The following LRRC4 variants were observed in gnomAD, a reference collection of about 807,000 sequenced individuals.
LRRC4 encodes the protein leucine-rich repeat-containing protein 4.
A neutral mutation model predicts 37.9 loss-of-function variants in LRRC4; 11 were observed. The ratio of observed to expected loss-of-function variants is 0.29; its 90% CI spans 0.18 to 0.48. LRRC4 has a LOEUF of 0.48. Ranked by LOEUF, LRRC4 falls within the 20% of genes least tolerant of loss-of-function variation. LRRC4 has a pLI of 0.99. For missense variants in LRRC4, 717 were observed against 842.1 expected (o/e 0.85, Z 1.84); for synonymous variants, 404 against 346.7 (o/e 1.17, Z -1.84).
At position 128,028,550 on chromosome 7, in the gene LRRC4, T is replaced by G. The variant is rs974465190; in HGVS notation, c.*129A>C. 12 of 847,582 alleles carry G rather than the reference T, an allele frequency of 1.4e-5. No individual in the cohort carries two copies. The highest frequency in any genetic ancestry group is 7.6e-4 in the Middle Eastern group (2 of 2,618). The allele number at this position is 847,582 out of a possible 1,614,324, so 52.5% of individuals were successfully genotyped here. A position where few individuals can be genotyped will look rare whatever the true frequency, so the allele number is the denominator to read the frequency against. On this transcript the variant is annotated 3_prime_UTR_variant, in exon 2 of 2. Coordinates refer to ENST00000249363, the MANE Select transcript of LRRC4 (RefSeq NM_022143.5). ...TGTCTTTAAATTTTAATATAATCTG[T>G]TTTTTTTAACCAGCCCATAGACTTA...
chr7:128,030,769 TAG>T (rs1422359333), intron 1 of LRRC4, 29 bp from the exon 2 acceptor site: 4 of 1,214,538 alleles, frequency 3.3e-6, no homozygotes, highest in African/African-American at 1.5e-5. Context: ...AGGGGGCGAT[TAG>T]AGAGACGGAG....
Position 128,030,452 on chromosome 7 carries a change from G to T in LRRC4, c.189C>A (p.Arg63=), listed in dbSNP as rs1320855677. The T allele has an allele frequency of 6.2e-7, 1 of 1,613,722 alleles. No individual in the cohort carries two copies. The highest frequency in any genetic ancestry group is 1.7e-5 in the Admixed American group (1 of 60,012). The change falls in exon 2 of 2, where the codon CGC becomes CGA. Residue 63 remains arginine (R), a synonymous_variant. Transcript: ENST00000249363. Reference sequence around the variant, plus strand: ...CCTGCGGGACCTCGGAGAGGCCCCGGCGCGTGCACACCACCTTGCTGAACT... The same window carrying T: ...CCTGCGGGACCTCGGAGAGGCCCCGTCGCGTGCACACCACCTTGCTGAACT... The part of the protein sequence containing the change: ...SNQFSKVVCT[R]RGLSEVPQGI...
At position 128,031,292 on chromosome 7, in the gene LRRC4, GCGCTCCGGCGGCCCCGGCC is replaced by G. The variant is rs947528042; in HGVS notation, c.-499_-481del. On this transcript the variant is annotated 5_prime_UTR_variant, in exon 1 of 2. Transcript: ENST00000249363. ...GGGGAAGGCGCTTCATCGCCAAAGT[GCGCTCCGGCGGCCCCGGCC>G]CGCTCTGCGGGCCGCCGCCGGAGGG... is the stretch of plus-strand genomic sequence containing the variant. Among the ~76,000 whole-genome samples the G allele has an allele frequency of 1.8e-4, 27 of 151,878 alleles. No homozygotes were observed. Among genetic ancestry groups the G allele is most frequent in the South Asian group, 1.0e-3 (5 of 4,814 alleles).
Position 128,030,674 on chromosome 7 carries a change from G to C in LRRC4, c.-34C>G. ...ACGTTCATAATTCACCATCGCCTGG[G>C]ATTTTGGCTCGGAAAGGAGAACCAG... On this transcript the variant is annotated 5_prime_UTR_variant, in exon 2 of 2. The change creates a new upstream start codon in the 5' untranslated region. Transcript: ENST00000249363. 6.6e-7 allele frequency: 1 copy of C among 1,523,380 alleles called. No individual in the cohort carries two copies. The highest frequency in any genetic ancestry group is 8.8e-7 in the Non-Finnish European group (1 of 1,132,992). 94.4% of individuals were successfully genotyped at this position (1,523,380 alleles called of 1,614,324 possible). A position where few individuals can be genotyped will look rare whatever the true frequency, so the allele number is the denominator to read the frequency against.
In LRRC4 at chr7:128,027,925, T is replaced by C. The variant is rs781110176; in HGVS notation, c.*754A>G. ...GGAATCTGGTGCAATGTGAAAGCAT[T>C]AGACTGAGAGCTACGCCAGCTCCCG... is the stretch of plus-strand genomic sequence containing the variant. On this transcript the variant is annotated 3_prime_UTR_variant, in exon 2 of 2. Coordinates refer to ENST00000249363, the MANE Select transcript of LRRC4 (RefSeq NM_022143.5). 6.6e-6 allele frequency: 1 copy of C among 152,448 alleles called. No homozygotes were observed. The highest frequency in any genetic ancestry group is 1.5e-5 in the Non-Finnish European group (1 of 68,056). The allele number at this position is 152,448 out of a possible 1,614,324, so 9.4% of individuals were successfully genotyped here. A position where few individuals can be genotyped will look rare whatever the true frequency, so the allele number is the denominator to read the frequency against.
Position 128,029,161 on chromosome 7 carries a change from G to A in LRRC4, c.1480C>T (p.Leu494Phe). 6 of 1,614,138 alleles carry A rather than the reference G, an allele frequency of 3.7e-6. No homozygotes were observed. Among genetic ancestry groups the A allele is most frequent in the Non-Finnish European group, 5.1e-6 (6 of 1,180,030 alleles). ...TTGGGCACACGGGTAGTCTGAATGA[G>A]CACCGTGGTAGAGGTGGTATATGCC... The part of the protein sequence containing the change: ...QPAYTTSTTV[L>F]IQTTRVPKQV... The change falls in exon 2 of 2, where the codon CTC becomes TTC. Residue 494 changes from leucine to phenylalanine, a missense_variant. Transcript: ENST00000249363. This position sits in a 1 kb window ranked among gnomAD's most constrained non-coding sequence, Gnocchi z 4.2.
chr7:128,028,803 G>T lies in LRRC4; in HGVS notation c.1838C>A (p.Ala613Glu). Residue 613 changes from alanine (A) to glutamate (E), a missense_variant, in exon 2 of 2, where the codon GCA becomes GAA. Around this residue, in one of 5 missense-constraint regions of LRRC4, gnomAD observed 140 missense variants for 137.2 expected, o/e 1.02. Transcript: ENST00000249363. Reference sequence around the variant, plus strand: ...GTTTTCTGTCCAGTGGGCCCCATGTGCTGGTTTGTAGGTGTTGTAGTTAAT... The same window carrying T: ...GTTTTCTGTCCAGTGGGCCCCATGTTCTGGTTTGTAGGTGTTGTAGTTAAT... ...DHINYNTYKP[A>E]HGAHWTENSL... 1 of 1,614,156 alleles carries T rather than the reference G, an allele frequency of 6.2e-7. No homozygotes were observed. The highest frequency in any genetic ancestry group is 1.6e-4 in the Middle Eastern group (1 of 6,062).
In LRRC4 at chr7:128,029,449, G is replaced by A; in HGVS notation, c.1192C>T (p.His398Tyr). ...NGTVLSHASR[H>Y]PRISVLNDGT... is the part of the protein sequence containing the mutation. ...TCGTTGAGGACAGAGATCCTTGGGT[G>A]GCGGGAGGCGTGGCTGAGCACTGTC... The change falls in exon 2 of 2, where the codon CAC becomes TAC. Residue 398 changes from histidine (H) to tyrosine (Y), a missense_variant. Physicochemically the swap from His to Tyr is moderately conservative, Grantham distance 83. Coordinates refer to ENST00000249363, the MANE Select transcript of LRRC4 (RefSeq NM_022143.5). This position sits in a 1 kb window ranked among gnomAD's most constrained non-coding sequence, Gnocchi z 4.2. 2 of 1,614,210 alleles carry A rather than the reference G, an allele frequency of 1.2e-6. No homozygotes were observed. Among genetic ancestry groups the A allele is most frequent in the Non-Finnish European group, 1.7e-6 (2 of 1,180,042 alleles).
chr7:128,030,205 G>A lies in LRRC4; in HGVS notation c.436C>T (p.Leu146=), dbSNP rs760204717. The part of the protein sequence containing the change: ...TVIPSGAFEY[L]SKLRELWLRN... ...AGCCAGAGCTCCCGCAGCTTGGACAGGTATTCAAAGGCCCCGCTAGGGATG... is the reference window on the plus strand; with the variant it reads ...AGCCAGAGCTCCCGCAGCTTGGACAAGTATTCAAAGGCCCCGCTAGGGATG... The change falls in exon 2 of 2, where the codon CTG becomes TTG. Residue 146 remains leucine, a synonymous_variant. Coordinates refer to ENST00000249363, the MANE Select transcript of LRRC4 (RefSeq NM_022143.5). 4 of 1,614,244 alleles carry A rather than the reference G, an allele frequency of 2.5e-6. No homozygotes were observed. The highest frequency in any genetic ancestry group is 2.7e-5 in the African/African-American group (2 of 75,058).
Position 128,028,662 on chromosome 7 carries a change from T to G in LRRC4, c.*17A>C. 6.3e-7 allele frequency: 1 copy of G among 1,595,190 alleles called. No homozygotes were observed. Among genetic ancestry groups the G allele is most frequent in the Non-Finnish European group, 8.5e-7 (1 of 1,170,250 alleles). The stretch of plus-strand genomic sequence containing the variant: ...GTGCATTCTATTGCATTTTATAAGT[T>G]TTTTGGGGGAGGGGAGTCATATTTG... On this transcript the variant is annotated 3_prime_UTR_variant, in exon 2 of 2. Coordinates refer to ENST00000249363, the MANE Select transcript of LRRC4 (RefSeq NM_022143.5).
In LRRC4 at chr7:128,030,955, C is replaced by T; in HGVS notation, c.-143G>A. 4.4e-6 allele frequency: 1 copy of T among 226,292 alleles called. No homozygotes were observed. Among genetic ancestry groups the T allele is most frequent in the Non-Finnish European group, 8.6e-6 (1 of 116,074 alleles). The allele number at this position is 226,292 out of a possible 1,614,324, so 14.0% of individuals were successfully genotyped here. On this transcript the variant is annotated 5_prime_UTR_variant, in exon 1 of 2. Transcript: ENST00000249363. ...AAAGCACTGGCGTGGTGTCCTTAAG[C>T]TTTCTCCACGGGAGCTGGGCACCTC...
In LRRC4 at chr7:128,030,632, G is replaced by A. The variant is rs1792560490; in HGVS notation, c.9C>T (p.Leu3=). 1 of 1,558,268 alleles carries A rather than the reference G, an allele frequency of 6.4e-7. No individual in the cohort carries two copies. Among genetic ancestry groups the A allele is most frequent in the Non-Finnish European group, 8.7e-7 (1 of 1,148,226 alleles). The change falls in exon 2 of 2, where the codon CTC becomes CTT. Residue 3 remains leucine, a synonymous_variant. Coordinates refer to ENST00000249363, the MANE Select transcript of LRRC4 (RefSeq NM_022143.5). The part of the protein sequence containing the change: MK[L]LWQVTVHHHT... ...GGTGGTGCACAGTTACCTGCCACAA[G>A]AGCTTCATGGTGTGGCACGTTCATA...
rs978924305 is a variant in LRRC4 at position 128,030,293 on chromosome 7, C to G, written c.348G>C (p.Val116=). 2 of 1,614,094 alleles carry G rather than the reference C, an allele frequency of 1.2e-6. No homozygotes were observed. Among genetic ancestry groups the G allele is most frequent in the African/African-American group, 2.7e-5 (2 of 74,948 alleles). The part of the protein sequence containing the change: ...LGRNSIRQIE[V]GAFNGLASLN... ...GGCTGGCCAGGCCGTTGAAGGCCCC[C>G]ACCTCAATCTGCCGGATGGAGTTCC... The change falls in exon 2 of 2, where the codon GTG becomes GTC. Residue 116 remains valine, a synonymous_variant. Coordinates refer to ENST00000249363, the MANE Select transcript of LRRC4 (RefSeq NM_022143.5).
In LRRC4 at chr7:128,029,356, C is replaced by T; in HGVS notation, c.1285G>A (p.Val429Ile). 2.5e-6 allele frequency: 4 copies of T among 1,614,166 alleles called. No homozygotes were observed. Among genetic ancestry groups the T allele is most frequent in the South Asian group, 1.1e-5 (1 of 91,082 alleles). The change falls in exon 2 of 2, where the codon GTT becomes ATT. Residue 429 changes from valine to isoleucine, a missense_variant. Val to Ile is a conservative substitution (Grantham distance 29). Coordinates refer to ENST00000249363, the MANE Select transcript of LRRC4 (RefSeq NM_022143.5). This position sits in a 1 kb window ranked among gnomAD's most constrained non-coding sequence, Gnocchi z 4.2. ...GCCGAGGCGTTGGAGTTGCCTGCAA[C>T]ATTGGTCACCATGCATGTGTACACC... Reference protein sequence around the residue: ...TGVYTCMVTNVAGNSNASAYL... With the variant: ...TGVYTCMVTNIAGNSNASAYL...
chr7:128,030,257 C>T lies in LRRC4; in HGVS notation c.384G>A (p.Leu128=), dbSNP rs751777410. The change falls in exon 2 of 2, where the codon CTG becomes CTA. Residue 128 remains leucine (L), a synonymous_variant. Transcript: ENST00000249363. ...AFNGLASLNT[L]ELFDNWLTVI... is the part of the protein sequence containing the mutation. ...CTGTCAGCCAGTTGTCGAACAGCTC[C>T]AGGGTGTTGAGGCTGGCCAGGCCGT... 6.2e-7 allele frequency: 1 copy of T among 1,614,212 alleles called. No homozygotes were observed. Among genetic ancestry groups the T allele is most frequent in the Non-Finnish European group, 8.5e-7 (1 of 1,180,028 alleles).
rs144910660 is a variant in LRRC4, at chr7:128,030,059, C to T, written c.582G>A (p.Gly194=). 57 of 1,613,196 alleles carry T rather than the reference C, an allele frequency of 3.5e-5. No homozygotes were observed. Among genetic ancestry groups the T allele is most frequent in the Non-Finnish European group, 4.8e-5 (57 of 1,180,040 alleles). The part of the protein sequence containing the change: ...LEYISEGAFE[G]LFNLKYLNLG... ...AGTTCAGATACTTGAGGTTGAACAG[C>T]CCCTCAAAAGCTCCCTCAGAGATAT... is the stretch of plus-strand genomic sequence containing the variant. The change falls in exon 2 of 2, where the codon GGG becomes GGA. Residue 194 remains glycine (G), a synonymous_variant. Transcript: ENST00000249363.
rs527541384 is a variant in LRRC4 at position 128,030,733 on chromosome 7, C to G, written c.-93G>C. The stretch of plus-strand genomic sequence containing the variant: ...CGGCTTAAGTGAGCTAGGAGCTCCT[C>G]TTTCCATCTGGAGAAGGAGGTGGGG... On this transcript the variant is annotated 5_prime_UTR_variant, in exon 2 of 2. Coordinates refer to ENST00000249363, the MANE Select transcript of LRRC4 (RefSeq NM_022143.5). 1 of 1,439,330 alleles carries G rather than the reference C, an allele frequency of 6.9e-7. No individual in the cohort carries two copies. The allele number at this position is 1,439,330 out of a possible 1,614,324, so 89.2% of individuals were successfully genotyped here.
chr7:128,030,787 C>T (rs933353550), intron 1 of LRRC4, 47 bp from the exon 2 acceptor site: 3 of 1,057,136 alleles, frequency 2.8e-6, no homozygotes, highest in East Asian at 2.8e-5. Context: ...CGGAGCGGAT[C>T]GGCCGAAAAA....
chr7:128,028,977 T>G lies in LRRC4; in HGVS notation c.1664A>C (p.Gln555Pro). The part of the protein sequence containing the change: ...IVFYKLRKRH[Q>P]QRSTVTAART... ...GGCGGCTGTGACTGTACTCCGCTGCTGGTGCCGCTTACGAAGTTTATAGAA... is the reference window on the plus strand; with the variant it reads ...GGCGGCTGTGACTGTACTCCGCTGCGGGTGCCGCTTACGAAGTTTATAGAA... Residue 555 changes from glutamine to proline, a missense_variant, in exon 2 of 2, where the codon CAG (glutamine) becomes CCG (proline). Transcript: ENST00000249363. 1 of 1,610,488 alleles carries G rather than the reference T, an allele frequency of 6.2e-7. No homozygotes were observed. Among genetic ancestry groups the G allele is most frequent in the Non-Finnish European group, 8.5e-7 (1 of 1,178,030 alleles).
Sources: gnomAD v4.1 joint callset for allele counts (sites outside exome capture counted in the v4.1 genomes callset) on GRCh38, gnomAD v4.1.1 for gene constraint, gnomAD v4.1.1 regional missense constraint, Gnocchi (gnomAD v3.1) non-coding constraint, MANE v1.5 for transcripts, NCBI Gene and HGNC (gene_info 2026-07-23, HGNC 2026-07-21) for gene names.